ABCB1: variants seen among roughly 807,000 people sequenced by gnomAD.
The protein encoded by ABCB1 is ATP binding cassette subfamily B member 1.
A neutral mutation model predicts 142.0 loss-of-function variants in ABCB1; 69 were observed. The ratio of observed to expected loss-of-function variants is 0.49; its 90% CI spans 0.40 to 0.59. ABCB1 has a LOEUF of 0.59. Ranked by LOEUF, ABCB1 falls within the 20% of genes least tolerant of loss-of-function variation. The pLI is 0.00. For synonymous variants in ABCB1, 532 were observed against 539.2 expected, an observed-to-expected ratio of 0.99 and a Z score of 0.18; for missense variants, 1,326 against 1,554.7, an observed-to-expected ratio of 0.85 and a Z score of 2.47.
rs1377310763 is a variant in ABCB1 at position 87,550,151 on chromosome 7, G to A, written c.1350+20C>T. On this transcript the variant is annotated intron_variant, in intron 12 of 27. Coordinates refer to ENST00000622132, the MANE Select transcript of ABCB1 (RefSeq NM_001348946.2). ...TGACTGCTGATCACCGCAGGGTCTA[G>A]CTCGCATGGGTCATCTCACCATCCC... 1.9e-6 allele frequency: 3 copies of A among 1,614,170 alleles called. No homozygotes were observed. The highest frequency in any genetic ancestry group is 2.5e-6 in the Non-Finnish European group (3 of 1,180,048).
At chr7:87,690,460 G>A (rs1157029514) in intron 1 of ABCB1, among the ~76,000 whole-genome samples, 1 of 152,016 alleles carries the variant, frequency 6.6e-6, no homozygotes, top group African/African-American at 2.4e-5. Context: ...CAAATACTTT[G>A]TTTCTAAGAT....
intron 25 of ABCB1, among the ~76,000 whole-genome samples, chr7:87,511,709 A>C (rs1211115090): frequency 6.6e-6 from 1 of 152,124 alleles, no homozygotes; most frequent in Non-Finnish European, 1.5e-5. Flanking sequence ...GGATCTAAAC[A>C]CTCTAGGTTG....
intron 1 of ABCB1, among the ~76,000 whole-genome samples, chr7:87,616,098 G>C (rs1343811110): frequency 6.6e-6 from 1 of 152,156 alleles, no homozygotes; most frequent in Admixed American, 6.5e-5. Context: ...TTTTATAGTA[G>C]TGGTATAAAA....
At position 87,655,556 on chromosome 7, in the gene ABCB1, G is replaced by A. The variant is rs545459380; in HGVS notation, c.-330-54478C>T. Among the ~76,000 whole-genome samples the A allele has an allele frequency of 1.3e-4, 20 of 152,248 alleles. No homozygotes were observed. The South Asian group carries it at 1.7e-3, about 13-fold the overall frequency. ...AGTAGAGAGTAGAATGGTGGTTACCGTGTGCTGGAAGGAGAGGGATCAGAG... is the reference window on the plus strand; with the variant it reads ...AGTAGAGAGTAGAATGGTGGTTACCATGTGCTGGAAGGAGAGGGATCAGAG... On this transcript the variant is annotated intron_variant, in intron 1 of 28. Coordinates refer to the ABCB1 transcript ENST00000265724.
chr7:87,679,170 GCAAGC>G (rs1826676129), intron 1 of ABCB1, among the ~76,000 whole-genome samples: 2 of 136,942 alleles, frequency 1.5e-5, no homozygotes, highest in Non-Finnish European at 3.0e-5. Flanking sequence ...TTGGCTCACT[GCAAGC>G]TCCTCCTCCT....
At chr7:87,553,998 T>A (rs1817207318) in intron 8 of ABCB1, 66 bp from the exon 9 acceptor site, 2 of 1,460,182 alleles carry the variant, frequency 1.4e-6, no homozygotes, top group East Asian at 4.5e-5. Context: ...AGCATGATAG[T>A]TACAGAGTGG....
intron 1 of ABCB1, chr7:87,694,095 T>C: frequency 6.8e-7 from 1 of 1,473,856 alleles, no homozygotes; most frequent in Non-Finnish European, 8.9e-7. Context: ...TTTTTGTGTG[T>C]TTTTGTTTTT....
At chr7:87,608,763 G>A (rs1038305588) in intron 1 of ABCB1, among the ~76,000 whole-genome samples, 2 of 152,040 alleles carry the variant, frequency 1.3e-5, no homozygotes, top group African/African-American at 4.8e-5. Flanking sequence ...ATGAGGTAAC[G>A]TTCACTCACT....
At position 87,696,122 on chromosome 7, in the gene ABCB1, C is replaced by T. The variant is rs796190265; in HGVS notation, c.-331+17039G>A. 3.3e-5 allele frequency among the ~76,000 whole-genome samples: 5 copies of T among 152,062 alleles called. No individual in the cohort carries two copies. The South Asian group carries it at 8.3e-4, about 25-fold the overall frequency. On this transcript the variant is annotated intron_variant, in intron 1 of 28. Transcript: ENST00000265724. ...GGGAAAATGTTAACTTCCAAGAATA[C>T]TTATAATTGAAAGCATATTGTATAC...
intron 1 of ABCB1, among the ~76,000 whole-genome samples, chr7:87,651,791 A>G (rs1246209866): frequency 6.6e-6 from 1 of 152,118 alleles, no homozygotes; most frequent in African/African-American, 2.4e-5. Context: ...TGTTTAAATG[A>G]GTTGAGCAGT....
At chr7:87,605,734 T>G (rs556103833), upstream of ABCB1, among the ~76,000 whole-genome samples, 270 of 152,306 alleles carry the variant, frequency 1.8e-3, 2 homozygotes, top group South Asian at 0.018. Flanking sequence ...TCAAAAACCT[T>G]GATTTCTGTG....
intron 14 of ABCB1, among the ~76,000 whole-genome samples, chr7:87,548,517 A>T (rs987901550): frequency 1.8e-4 from 27 of 152,174 alleles, no homozygotes; most frequent in Admixed American, 5.9e-4. Flanking sequence ...TCTCTCAAAA[A>T]TTTATTAAGC....
At chr7:87,536,379 C>A in intron 20 of ABCB1, 79 bp downstream of exon 20, 1 of 1,264,966 alleles carries the variant, frequency 7.9e-7, no homozygotes, top group South Asian at 1.2e-5. Flanking sequence ...TAACTAACAC[C>A]CGTAAGGAGA....
chr7:87,622,348 A>G (rs1820254848), intron 1 of ABCB1, among the ~76,000 whole-genome samples: 1 of 152,218 alleles, frequency 6.6e-6, no homozygotes, highest in African/African-American at 2.4e-5. Context: ...TTTCATTACT[A>G]ATGAAAAACA....
intron 4 of ABCB1, among the ~76,000 whole-genome samples, chr7:87,576,463 A>G (rs1238393355): frequency 6.7e-6 from 1 of 149,672 alleles, no homozygotes; most frequent in Non-Finnish European, 1.5e-5. Flanking sequence ...GTAAGTATAT[A>G]TAGATACTTT....
chr7:87,636,077 A>AT (rs1291967914), intron 1 of ABCB1, among the ~76,000 whole-genome samples: 1 of 152,032 alleles, frequency 6.6e-6, no homozygotes, highest in Non-Finnish European at 1.5e-5. Flanking sequence ...TGATATGTAC[A>AT]TTTTTCTGTC....
intron 20 of ABCB1, among the ~76,000 whole-genome samples, chr7:87,533,327 C>T (rs1246479045): frequency 6.6e-6 from 1 of 152,084 alleles, no homozygotes; most frequent in African/African-American, 2.4e-5. Flanking sequence ...CTTAGAATAT[C>T]ACCTAGAATC....
chr7:87,600,203 C>A lies in ABCB1; in HGVS notation c.-6-13G>T. The A allele has an allele frequency of 6.2e-7, 1 of 1,612,390 alleles. No individual in the cohort carries two copies. ...GATCCATTCCGACCTGAAGAGAAAC[C>A]GCAGCTCATTAGCCAAATGCATGAG... On this transcript the variant is annotated splice_polypyrimidine_tract_variant and intron_variant, in intron 1 of 27. Coordinates refer to ENST00000622132, the MANE Select transcript of ABCB1 (RefSeq NM_001348946.2).
At chr7:87,611,975 A>G (rs1819869967) in intron 1 of ABCB1, among the ~76,000 whole-genome samples, 1 of 152,146 alleles carries the variant, frequency 6.6e-6, no homozygotes, top group Admixed American at 6.5e-5. Flanking sequence ...CTTCTAATAC[A>G]CTTGAGGAGA....
Sources: allele counts gnomAD v4.1 joint callset (sites outside exome capture counted in the v4.1 genomes callset), GRCh38; gene constraint gnomAD v4.1.1; transcripts MANE v1.5; gene names NCBI Gene and HGNC (gene_info 2026-07-23, HGNC 2026-07-21).